Variants in SHC4 observed in about 807,000 individuals in gnomAD.
SHC4 encodes SHC-transforming protein 4.
In SHC4, 41 loss-of-function variants were observed where a neutral mutation model predicts 69.4. The observed-to-expected ratio is 0.59, with a 90% CI of 0.46 to 0.77. SHC4 has a LOEUF of 0.77. SHC4 is among the 30% of genes least tolerant of loss of function. The pLI is 0.00. For missense variants in SHC4, 777 were observed against 783.8 expected (o/e 0.99, Z 0.10); for synonymous variants, 318 against 299.3 (o/e 1.06, Z -0.64).
rs565480349 is a variant in SHC4 at position 48,836,406 on chromosome 15, T to C, written c.1484-1384A>G. On this transcript the variant is annotated intron_variant, in intron 10 of 11. Transcript: ENST00000332408. ...GGTCCCTAGCAGGTAGCAAGGCTAA[T>C]CTTACTTGGGGTAGCCTTCAGCATC... 2.6e-5 allele frequency among the ~76,000 whole-genome samples: 4 copies of C among 152,330 alleles called. No homozygotes were observed. In the South Asian group the frequency reaches 8.3e-4, roughly 32 times the overall value.
At chr15:48,930,946 A>C (rs1306647695) in intron 1 of SHC4, among the ~76,000 whole-genome samples, 1 of 152,226 alleles carries the variant, frequency 6.6e-6, no homozygotes, top group African/African-American at 2.4e-5. Flanking sequence ...CACTCTAGTG[A>C]AACTGCCTGA....
At chr15:48,877,434 T>C (rs890519181) in intron 4 of SHC4, 22 of 980,972 alleles carry the variant, frequency 2.2e-5, no homozygotes, top group Non-Finnish European at 2.5e-5. Flanking sequence ...ATATACAACT[T>C]AAAACCTGAG....
At chr15:48,850,828 G>C (rs1899197667) in intron 9 of SHC4, among the ~76,000 whole-genome samples, 2 of 152,154 alleles carry the variant, frequency 1.3e-5, no homozygotes, top group Admixed American at 6.5e-5. Context: ...GATCTGACAG[G>C]CATCAATTTT....
intron 10 of SHC4, among the ~76,000 whole-genome samples, 168 bp from the exon 11 acceptor site, chr15:48,835,190 A>G (rs1271721479): frequency 1.3e-5 from 2 of 152,202 alleles, no homozygotes; most frequent in African/African-American, 2.4e-5. Flanking sequence ...AACTCCCAAC[A>G]GGCTTTAATT....
At chr15:48,890,920 G>A (rs1900125131) in intron 2 of SHC4, 109 bp from the exon 3 acceptor site, 16 of 1,138,478 alleles carry the variant, frequency 1.4e-5, no homozygotes, top group Non-Finnish European at 2.0e-5. Context: ...ATACATAATA[G>A]TGAGTCTAAC....
chr15:48,903,873 C>T (rs974131548), intron 2 of SHC4, among the ~76,000 whole-genome samples: 1 of 152,250 alleles, frequency 6.6e-6, no homozygotes, highest in Non-Finnish European at 1.5e-5. Flanking sequence ...TCAAGTGATC[C>T]TCCCATCTAA....
chr15:48,829,910 C>T (rs552635850), intron 11 of SHC4, among the ~76,000 whole-genome samples: 102 of 152,246 alleles, frequency 6.7e-4, no homozygotes, highest in African/African-American at 2.4e-3. Context: ...TAGAGCGAGA[C>T]TCCGTCTCAA....
At chr15:48,916,651 G>GA (rs1242318584) in intron 2 of SHC4, among the ~76,000 whole-genome samples, 1 of 151,672 alleles carries the variant, frequency 6.6e-6, no homozygotes, top group African/African-American at 2.4e-5. Context: ...ATCAGCTAGA[G>GA]AAAATGAATC....
intron 1 of SHC4, among the ~76,000 whole-genome samples, chr15:48,932,018 T>C (rs949317529): frequency 6.6e-6 from 1 of 152,054 alleles, no homozygotes; most frequent in Non-Finnish European, 1.5e-5. Flanking sequence ...ATTTCAAGGA[T>C]GATCCAGTGT....
chr15:48,826,150 T>A, intron 11 of SHC4, 24 bp from the exon 12 acceptor site: 1 of 1,595,876 alleles, frequency 6.3e-7, no homozygotes, highest in South Asian at 1.1e-5. Flanking sequence ...TACAAATATA[T>A]TTAGGTTAAA....
At chr15:48,855,262 AAAG>A (rs1899288744) in intron 8 of SHC4, among the ~76,000 whole-genome samples, 1 of 152,228 alleles carries the variant, frequency 6.6e-6, no homozygotes, top group Non-Finnish European at 1.5e-5. Flanking sequence ...CAACAACAAA[AAAG>A]AAGAGGGGTC....
chr15:48,907,836 GTGTGTA>G (rs948525255), intron 2 of SHC4, among the ~76,000 whole-genome samples: 5 of 147,774 alleles, frequency 3.4e-5, no homozygotes, highest in African/African-American at 1.0e-4. Context: ...GTGTGTGTGT[GTGTGTA>G]TATATATATA....
chr15:48,866,249 C>T lies in SHC4; in HGVS notation c.946+1569G>A, dbSNP rs548007019. Among the ~76,000 whole-genome samples the T allele has an allele frequency of 8.5e-5, 13 of 152,148 alleles. No individual in the cohort carries two copies. The South Asian group carries it at 2.3e-3, about 27-fold the overall frequency. The stretch of plus-strand genomic sequence containing the variant: ...TTTGTTGTGCCCTGTTCCTACATTC[C>T]CACTGCCCCATTCACTGGTTCCTGT... On this transcript the variant is annotated intron_variant, in intron 6 of 11. Transcript: ENST00000332408.
rs777517512 is a variant in SHC4 at position 48,872,146 on chromosome 15, A to G, written c.841-4T>C. 3.2e-6 allele frequency: 5 copies of G among 1,543,206 alleles called. No individual in the cohort carries two copies. Among genetic ancestry groups the G allele is most frequent in the Non-Finnish European group, 4.5e-6 (5 of 1,122,022 alleles). ...GCATATGATGATTTGCAATAATCTG[A>G]AAAACATAAACATGTATACTAATAT... On this transcript the variant is annotated splice_polypyrimidine_tract_variant and splice_region_variant and intron_variant, in intron 4 of 11. Transcript: ENST00000332408.
intron 10 of SHC4, among the ~76,000 whole-genome samples, chr15:48,843,066 A>G (rs1393231974): frequency 1.3e-5 from 2 of 152,204 alleles, no homozygotes; most frequent in African/African-American, 4.8e-5. Context: ...CATCTCATAC[A>G]ATCATTTCAT....
intron 1 of SHC4, among the ~76,000 whole-genome samples, chr15:48,947,667 G>A (rs947532519): frequency 4.6e-5 from 7 of 152,146 alleles, no homozygotes; most frequent in Admixed American, 2.0e-4. Flanking sequence ...CCACTTTGTG[G>A]ATAAAGTATC....
Position 48,860,206 on chromosome 15 carries a change from C to G in SHC4, c.947-2391G>C, listed in dbSNP as rs970100993. 7.9e-5 allele frequency among the ~76,000 whole-genome samples: 12 copies of G among 151,888 alleles called. No individual in the cohort carries two copies. In the East Asian group the frequency reaches 2.3e-3, roughly 29 times the overall value. On this transcript the variant is annotated intron_variant, in intron 6 of 11. Transcript: ENST00000332408. ...CCTTTTGTTTTTAATCTCGTAAATTCCCAGTCCAATTAAAAATGAAGTCAA... is the reference window on the plus strand; with the variant it reads ...CCTTTTGTTTTTAATCTCGTAAATTGCCAGTCCAATTAAAAATGAAGTCAA...
At chr15:48,923,173 T>C (rs1035533658) in intron 2 of SHC4, among the ~76,000 whole-genome samples, 3 of 152,212 alleles carry the variant, frequency 2.0e-5, no homozygotes, top group Non-Finnish European at 2.9e-5. Context: ...TCAATCAGCA[T>C]TTCCTAAGGC....
intron 1 of SHC4, among the ~76,000 whole-genome samples, chr15:48,925,822 A>T (rs1900844657): frequency 6.6e-6 from 1 of 152,214 alleles, no homozygotes; most frequent in African/African-American, 2.4e-5. Flanking sequence ...AGAGGGAAGT[A>T]ACGACAGCCC....
Sources: allele counts gnomAD v4.1 joint callset (sites outside exome capture counted in the v4.1 genomes callset), GRCh38; gene constraint gnomAD v4.1.1; transcripts MANE v1.5; gene names NCBI Gene and HGNC (gene_info 2026-07-23, HGNC 2026-07-21).